TRDN: variants seen among roughly 807,000 people sequenced by gnomAD.
TRDN encodes triadin in skeletal muscle.
TRDN carries 161 observed loss-of-function variants against 149.7 expected under a neutral mutation model. That is an observed-to-expected ratio of 1.08 (90% CI 0.95 to 1.23). The LOEUF is 1.23. Ranked by LOEUF, TRDN falls within the 50% of genes most tolerant of loss-of-function variation. The pLI is 0.00. For missense variants in TRDN, 896 were observed against 823.5 expected (o/e 1.09, Z -1.08); for synonymous variants, 294 against 250.5 (o/e 1.17, Z -1.64).
At position 123,612,285 on chromosome 6, in the gene TRDN, G is replaced by A. The variant is rs552594483; in HGVS notation, c.22+24469C>T. ...GGGGTGGGGGGAGGGGGGAGGGATA[G>A]CATTAGGAGATATACCTAATGCTAA... On this transcript the variant is annotated intron_variant, in intron 1 of 40. Coordinates refer to ENST00000334268, the MANE Select transcript of TRDN (RefSeq NM_006073.4). Among the ~76,000 whole-genome samples the A allele has an allele frequency of 3.5e-5, 5 of 142,580 alleles. No homozygotes were observed. The South Asian group carries it at 1.2e-3, about 35-fold the overall frequency. The allele number at this position is 142,580 out of a possible 152,430, so 93.5% of individuals were successfully genotyped here.
intron 1 of TRDN, among the ~76,000 whole-genome samples, chr6:123,598,597 A>G (rs969835498): frequency 1.3e-5 from 2 of 151,998 alleles, no homozygotes; most frequent in African/African-American, 4.8e-5. Flanking sequence ...CTGATTGTCT[A>G]CCTTGCTACC....
chr6:123,405,598 A>G (rs753543363), intron 12 of TRDN, among the ~76,000 whole-genome samples: 2 of 152,230 alleles, frequency 1.3e-5, no homozygotes, highest in Admixed American at 6.5e-5. Context: ...TCTGTATTAC[A>G]TGACGAGGCC....
At chr6:123,498,472 C>T in intron 8 of TRDN, 1 of 465,460 alleles carries the variant, frequency 2.1e-6, no homozygotes, top group Non-Finnish European at 4.5e-6. Context: ...GGCCAAAACT[C>T]ATAAAGTTCC....
intron 29 of TRDN, 75 bp downstream of exon 29, chr6:123,272,889 C>G: frequency 9.2e-7 from 1 of 1,084,408 alleles, no homozygotes; most frequent in Non-Finnish European, 1.3e-6. Flanking sequence ...TTAGACTTGA[C>G]TCTAAACTCT....
chr6:123,400,038 C>A (rs986640095), intron 12 of TRDN, among the ~76,000 whole-genome samples: 1 of 151,394 alleles, frequency 6.6e-6, no homozygotes, highest in Middle Eastern at 3.2e-3. Flanking sequence ...ATTGCATTCT[C>A]CATATGAGTG....
chr6:123,367,982 C>T (rs1781180364), intron 19 of TRDN, among the ~76,000 whole-genome samples: 1 of 152,140 alleles, frequency 6.6e-6, no homozygotes, highest in Admixed American at 6.5e-5. Flanking sequence ...TTCCAAATCC[C>T]TTCCTCTGTG....
rs201899630 is a variant in TRDN, at chr6:123,464,953, G to A, written c.884C>T (p.Pro295Leu). 1.2e-4 allele frequency: 198 copies of A among 1,598,994 alleles called. No individual in the cohort carries two copies. Among genetic ancestry groups the A allele is most frequent in the Middle Eastern group, 3.3e-4 (2 of 6,066 alleles). ...AGTGGGTCTGGAAGCTTGTTCTGTC[G>A]GTAAGGGAGGTGGAATGGCTGGGCT... ...GQSPAIPPPL[P>L]TEQASRPTPA... is the part of the protein sequence containing the mutation. Residue 295 changes from proline to leucine, a missense_variant, in exon 10 of 41, where the codon CCG becomes CTG. Transcript: ENST00000334268.
chr6:123,240,828 A>G (rs2114543701), intron 38 of TRDN, among the ~76,000 whole-genome samples: 1 of 152,090 alleles, frequency 6.6e-6, no homozygotes, highest in East Asian at 1.9e-4. Flanking sequence ...TTGATGTGTC[A>G]TCATTAATCA....
intron 12 of TRDN, among the ~76,000 whole-genome samples, chr6:123,423,111 T>C (rs959364624): frequency 1.3e-5 from 2 of 152,148 alleles, no homozygotes; most frequent in Non-Finnish European, 1.5e-5. Context: ...GGAATAAACA[T>C]GTTGTTAATT....
rs576536023 is a variant in TRDN, at chr6:123,552,428, T to G, written c.233-3816A>C. Among the ~76,000 whole-genome samples, 7 of 152,282 alleles carry G rather than the reference T, an allele frequency of 4.6e-5. No individual in the cohort carries two copies. In the South Asian group the frequency reaches 1.4e-3, roughly 32 times the overall value. On this transcript the variant is annotated intron_variant, in intron 2 of 40. Transcript: ENST00000334268. ...AAGACCATAGTTTCACTGTTATCTT[T>G]GGCCATCAGTCTTAGAGTGTGTAGG...
At chr6:123,629,626 T>C (rs1239363992) in intron 1 of TRDN, among the ~76,000 whole-genome samples, 1 of 152,076 alleles carries the variant, frequency 6.6e-6, no homozygotes, top group Non-Finnish European at 1.5e-5. Flanking sequence ...TTAGAAAATA[T>C]CTAAACCACA....
intron 8 of TRDN, chr6:123,502,258 T>G (rs1583155507): frequency 1.0e-6 from 1 of 954,904 alleles, no homozygotes; most frequent in Non-Finnish European, 1.2e-6. Flanking sequence ...TATTTTCTCT[T>G]TACTTACTTC....
intron 26 of TRDN, 58 bp downstream of exon 26, chr6:123,278,257 ATAT>A: frequency 8.9e-7 from 1 of 1,118,350 alleles, no homozygotes; most frequent in East Asian, 3.5e-5. Context: ...TTGCAAAGAG[ATAT>A]TGTGCTATTT....
intron 16 of TRDN, among the ~76,000 whole-genome samples, chr6:123,378,439 G>A (rs1781590947): frequency 6.7e-6 from 1 of 148,274 alleles, no homozygotes; most frequent in Admixed American, 6.9e-5. Context: ...ACCACCATGT[G>A]TAGCCAGATT....
chr6:123,614,862 A>G (rs1303827417), intron 1 of TRDN, among the ~76,000 whole-genome samples: 1 of 152,174 alleles, frequency 6.6e-6, no homozygotes, highest in Non-Finnish European at 1.5e-5. Context: ...TAAAGAAATA[A>G]CCAACAGAAA....
intron 24 of TRDN, among the ~76,000 whole-genome samples, chr6:123,300,295 A>C (rs563408091): frequency 6.6e-6 from 1 of 152,140 alleles, no homozygotes; most frequent in South Asian, 2.1e-4. Context: ...ATCAGTCTGA[A>C]GAAAGCTCAA....
intron 12 of TRDN, among the ~76,000 whole-genome samples, chr6:123,396,146 C>A (rs1275395315): frequency 6.6e-6 from 1 of 152,074 alleles, no homozygotes; most frequent in Non-Finnish European, 1.5e-5. Flanking sequence ...GAAGGCTGCA[C>A]CAAATATTGT....
At chr6:123,538,751 G>A (rs1780677284) in intron 4 of TRDN, among the ~76,000 whole-genome samples, 1 of 152,126 alleles carries the variant, frequency 6.6e-6, no homozygotes, top group East Asian at 1.9e-4. Flanking sequence ...GTATACTAAT[G>A]ATCCTTAAAA....
chr6:123,283,985 C>CATATATATATATAGATATATATATATAT (rs1777701723), intron 24 of TRDN, among the ~76,000 whole-genome samples: 1 of 57,220 alleles, frequency 1.7e-5, no homozygotes, highest in African/African-American at 9.4e-5. Flanking sequence ...CAACATGGCA[C>CATATATATATATAGATATATATATATAT]ATATATATAT....
Sources: gnomAD v4.1 joint callset for allele counts (sites outside exome capture counted in the v4.1 genomes callset) on GRCh38, gnomAD v4.1.1 for gene constraint, MANE v1.5 for transcripts, NCBI Gene and HGNC (gene_info 2026-07-23, HGNC 2026-07-21) for gene names.